EPB41L3: variants seen among roughly 807,000 people sequenced by gnomAD.
EPB41L3 encodes band 4.1-like protein 3.
In EPB41L3, 57 loss-of-function variants were observed where a neutral mutation model predicts 127.1. That is an observed-to-expected ratio of 0.45 (90% CI 0.36 to 0.56). The LOEUF (loss-of-function observed/expected upper bound fraction) is 0.56, where lower values mean the gene tolerates loss of function less well. EPB41L3 is among the 20% of genes least tolerant of loss of function. The probability of loss-of-function intolerance (pLI) is 0.00; values close to 1 mark genes in which losing one functional copy is unlikely to be tolerated. For synonymous variants in EPB41L3, 572 were observed against 549.5 expected (o/e 1.04, Z -0.57); for missense variants, 1,273 against 1,372.2 (o/e 0.93, Z 1.14).
intron 1 of EPB41L3, among the ~76,000 whole-genome samples, chr18:5,518,273 C>T (rs951321060): frequency 3.3e-5 from 5 of 152,234 alleles, no homozygotes; most frequent in African/African-American, 1.2e-4. Flanking sequence ...ACACTGGCTT[C>T]CCTGCCACTC....
chr18:5,601,270 CAGAGATAACACCATCAAACTTA>C (rs2143797231), intron 3 of EPB41L3, among the ~76,000 whole-genome samples: 1 of 152,248 alleles, frequency 6.6e-6, no homozygotes, highest in South Asian at 2.1e-4. Flanking sequence ...GATAAGGCTT[CAGAGATAACACCATCAAACTTA>C]GGTGATCAGT....
intron 3 of EPB41L3, among the ~76,000 whole-genome samples, chr18:5,598,767 A>G (rs972105062): frequency 6.6e-6 from 1 of 152,220 alleles, no homozygotes; most frequent in African/African-American, 2.4e-5. Context: ...GTCAATTAAC[A>G]CTATCACTGC....
At chr18:5,470,910 A>T (rs560367863) in intron 3 of EPB41L3, among the ~76,000 whole-genome samples, 23 of 152,290 alleles carry the variant, frequency 1.5e-4, no homozygotes, top group African/African-American at 5.3e-4. Context: ...GCTGAAGTCT[A>T]CCATGCTGGA....
chr18:5,540,272 A>G, intron 1 of EPB41L3: 2 of 864,174 alleles, frequency 2.3e-6, no homozygotes, highest in Non-Finnish European at 2.8e-6. Context: ...CTCCTTCCTT[A>G]CTCTTGGAGA....
Position 5,394,659 on chromosome 18 carries a change from A to T in EPB41L3, c.*6+18T>A. 2 of 1,597,978 alleles carry T rather than the reference A, an allele frequency of 1.3e-6. No homozygotes were observed. The highest frequency in any genetic ancestry group is 1.7e-4 in the Middle Eastern group (1 of 5,724). On this transcript the variant is annotated intron_variant, in intron 22 of 22. Transcript: ENST00000341928. ...ATGCCAGCCTAGGCAAGCCTAGAGAATCGGCATCACCTCTTACCTCTGGTC... is the reference window on the plus strand; with the variant it reads ...ATGCCAGCCTAGGCAAGCCTAGAGATTCGGCATCACCTCTTACCTCTGGTC...
chr18:5,487,813 C>A (rs529719415), intron 2 of EPB41L3, among the ~76,000 whole-genome samples: 2 of 150,932 alleles, frequency 1.3e-5, no homozygotes, highest in African/African-American at 4.9e-5. Flanking sequence ...GGCAAACCTG[C>A]AAATACTCTA....
intron 3 of EPB41L3, among the ~76,000 whole-genome samples, chr18:5,458,094 T>C (rs546075710): frequency 3.5e-4 from 53 of 152,300 alleles, no homozygotes; most frequent in African/African-American, 1.3e-3. Flanking sequence ...TTTCCTGCTT[T>C]AAGACTCTTG....
chr18:5,576,325 A>G (rs1399125014), intron 3 of EPB41L3, among the ~76,000 whole-genome samples: 2 of 152,226 alleles, frequency 1.3e-5, no homozygotes, highest in Non-Finnish European at 2.9e-5. Context: ...TAAATAAATA[A>G]AAGATATCAG....
intron 1 of EPB41L3, among the ~76,000 whole-genome samples, chr18:5,530,374 G>C (rs1053411195): frequency 2.6e-5 from 4 of 152,036 alleles, no homozygotes; most frequent in African/African-American, 9.7e-5. Flanking sequence ...TTACCATAAT[G>C]ATATATTGTC....
intron 1 of EPB41L3, among the ~76,000 whole-genome samples, chr18:5,515,693 G>GA (rs2092722289): frequency 6.6e-6 from 1 of 152,214 alleles, no homozygotes; most frequent in Non-Finnish European, 1.5e-5. Flanking sequence ...AAGATAGCGT[G>GA]AAAGTGAAAC....
intron 3 of EPB41L3, among the ~76,000 whole-genome samples, chr18:5,455,032 T>C (rs568845540): frequency 1.6e-4 from 24 of 152,350 alleles, no homozygotes; most frequent in South Asian, 6.2e-4. Flanking sequence ...CTGAGCTTCA[T>C]TGTTTTCATT....
chr18:5,524,028 C>CTGTA (rs1485413934), intron 1 of EPB41L3, among the ~76,000 whole-genome samples: 1 of 151,510 alleles, frequency 6.6e-6, no homozygotes, highest in East Asian at 1.9e-4. Flanking sequence ...TTAGGGGTGC[C>CTGTA]CTACAAATAA....
chr18:5,442,392 T>C (rs1432782167), intron 5 of EPB41L3, among the ~76,000 whole-genome samples: 1 of 152,198 alleles, frequency 6.6e-6, no homozygotes, highest in East Asian at 1.9e-4. Flanking sequence ...GTCTTAATTG[T>C]ATAAATAATC....
At chr18:5,629,603 T>C (rs759344583), upstream of EPB41L3, among the ~76,000 whole-genome samples, 5 of 151,572 alleles carry the variant, frequency 3.3e-5, no homozygotes, top group East Asian at 2.0e-4. Flanking sequence ...GGCCCCCCCC[T>C]CCCCCGCGTT....
chr18:5,519,996 C>A (rs1031413675), intron 1 of EPB41L3, among the ~76,000 whole-genome samples: 6 of 152,174 alleles, frequency 3.9e-5, no homozygotes, highest in Non-Finnish European at 7.3e-5. Context: ...AACTGTTTTG[C>A]TTTTTGACGC....
chr18:5,462,858 G>C (rs1228122099), intron 3 of EPB41L3, among the ~76,000 whole-genome samples: 2 of 152,312 alleles, frequency 1.3e-5, no homozygotes, highest in Admixed American at 1.3e-4. Context: ...TGCAATAGTA[G>C]ATTGCTACTT....
chr18:5,421,629 T>C (rs956376670), intron 11 of EPB41L3, among the ~76,000 whole-genome samples: 6 of 152,200 alleles, frequency 3.9e-5, no homozygotes, highest in Non-Finnish European at 7.3e-5. Flanking sequence ...CATGGAATAC[T>C]ACTCAGTCAT....
At chr18:5,417,427 G>C (rs1300940068) in intron 12 of EPB41L3, among the ~76,000 whole-genome samples, 1 of 152,150 alleles carries the variant, frequency 6.6e-6, no homozygotes, top group Non-Finnish European at 1.5e-5. Flanking sequence ...ACAAGAAGGG[G>C]AGGAAGGAAA....
intron 3 of EPB41L3, among the ~76,000 whole-genome samples, chr18:5,549,438 C>T (rs2093932371): frequency 6.6e-6 from 1 of 152,264 alleles, no homozygotes; most frequent in African/African-American, 2.4e-5. Flanking sequence ...CTTTCCTATG[C>T]AAGATGTTTA....
Sources: gnomAD v4.1 joint callset for allele counts (sites outside exome capture counted in the v4.1 genomes callset) on GRCh38, gnomAD v4.1.1 for gene constraint, MANE v1.5 for transcripts, NCBI Gene and HGNC (gene_info 2026-07-23, HGNC 2026-07-21) for gene names.